Variants in ANXA5 observed in about 807,000 individuals in gnomAD.
ANXA5 encodes CBP-I.
A neutral mutation model predicts 48.1 loss-of-function variants in ANXA5; 40 were observed. That is an observed-to-expected ratio of 0.83 (90% CI 0.65 to 1.08). The LOEUF (loss-of-function observed/expected upper bound fraction) is 1.08. Ranked by LOEUF, ANXA5 falls within the 50% of genes least tolerant of loss-of-function variation. The pLI is 0.00. For missense variants in ANXA5, 357 were observed against 376.8 expected (o/e 0.95, Z 0.44); for synonymous variants, 113 against 129.1 (o/e 0.88, Z 0.85).
At chr4:121,690,085 C>T (rs769181761) in intron 2 of ANXA5, among the ~76,000 whole-genome samples, 1 of 152,198 alleles carries the variant, frequency 6.6e-6, no homozygotes, top group Non-Finnish European at 1.5e-5. Flanking sequence ...AGAGTGGCAG[C>T]TAGTATCTGC....
rs1725095833 is a variant in ANXA5, at chr4:121,696,911, A to G, written c.-84T>C. 3.7e-6 allele frequency: 1 copy of G among 267,366 alleles called. No homozygotes were observed. Among genetic ancestry groups the G allele is most frequent in the Non-Finnish European group, 7.0e-6 (1 of 142,624 alleles). The allele number at this position is 267,366 out of a possible 1,614,324, so 16.6% of individuals were successfully genotyped here. A position where few individuals can be genotyped will look rare whatever the true frequency, so the allele number is the denominator to read the frequency against. ...CCGAAACCCCGGGAGAGCGGCGGAG[A>G]GCCGGGCGACGGTACGCGGGGCGAC... On this transcript the variant is annotated 5_prime_UTR_variant, in exon 1 of 13. Transcript: ENST00000296511.
intron 4 of ANXA5, among the ~76,000 whole-genome samples, chr4:121,684,331 C>T (rs1454453127): frequency 1.4e-4 from 21 of 152,000 alleles, no homozygotes; most frequent in Non-Finnish European, 2.9e-4. Context: ...TGTGTTAAAA[C>T]AAAACATATT....
At chr4:121,696,122 A>T (rs1448214066) in intron 2 of ANXA5, among the ~76,000 whole-genome samples, 2 of 151,036 alleles carry the variant, frequency 1.3e-5, no homozygotes, top group Non-Finnish European at 2.9e-5. Flanking sequence ...GCCAATGCTC[A>T]ATCACAGTAT....
chr4:121,673,637 T>C, intron 8 of ANXA5, among the ~76,000 whole-genome samples: 1 of 152,180 alleles, frequency 6.6e-6, no homozygotes, highest in Non-Finnish European at 1.5e-5. Flanking sequence ...ATGAGACTCA[T>C]GTATCTTTAT....
At chr4:121,687,469 A>C (rs998446491) in intron 2 of ANXA5, among the ~76,000 whole-genome samples, 5 of 152,186 alleles carry the variant, frequency 3.3e-5, no homozygotes, top group African/African-American at 1.2e-4. Context: ...GGTACCATCT[A>C]AACTGAGAAA....
intron 8 of ANXA5, 83 bp from the exon 9 acceptor site, chr4:121,672,709 G>T: frequency 1.1e-6 from 1 of 920,778 alleles, no homozygotes; most frequent in Non-Finnish European, 1.8e-6. Context: ...TTTACTCCCT[G>T]AATTTTAACT....
At chr4:121,674,365 A>G (rs903944472) in intron 8 of ANXA5, among the ~76,000 whole-genome samples, 1 of 151,924 alleles carries the variant, frequency 6.6e-6, no homozygotes, top group Non-Finnish European at 1.5e-5. Flanking sequence ...AGAGAAAGGA[A>G]AGAAAAGAAA....
At chr4:121,675,020 G>T (rs537857715) in intron 8 of ANXA5, among the ~76,000 whole-genome samples, 1 of 152,314 alleles carries the variant, frequency 6.6e-6, no homozygotes, top group Non-Finnish European at 1.5e-5. Flanking sequence ...GCACTGAACA[G>T]TGTCAGGTAA....
At chr4:121,683,283 T>A in intron 5 of ANXA5, 81 bp downstream of exon 5, 1 of 819,178 alleles carries the variant, frequency 1.2e-6, no homozygotes, top group Admixed American at 3.2e-5. Context: ...ATTTTTTAAA[T>A]ATAACAAATA....
intron 4 of ANXA5, among the ~76,000 whole-genome samples, chr4:121,683,895 G>A (rs952698795): frequency 6.6e-6 from 1 of 151,590 alleles, no homozygotes; most frequent in African/African-American, 2.4e-5. Flanking sequence ...CTCTCAATAT[G>A]TAATAACATT....
intron 2 of ANXA5, among the ~76,000 whole-genome samples, chr4:121,690,954 C>T (rs1297732006): frequency 2.6e-5 from 4 of 152,208 alleles, no homozygotes; most frequent in African/African-American, 9.7e-5. Context: ...CTTGTTTGGA[C>T]ATCCTGTGCA....
chr4:121,673,754 G>A (rs1724649984), intron 8 of ANXA5, among the ~76,000 whole-genome samples: 1 of 152,146 alleles, frequency 6.6e-6, no homozygotes, highest in African/African-American at 2.4e-5. Flanking sequence ...TGAAAGTCAT[G>A]CATGCATCTA....
intron 8 of ANXA5, 94 bp from the exon 9 acceptor site, chr4:121,672,720 CACTT>C: frequency 1.2e-6 from 1 of 821,188 alleles, no homozygotes; most frequent in East Asian, 2.5e-5. Context: ...AATTTTAACT[CACTT>C]GATTCATCAT....
intron 12 of ANXA5, among the ~76,000 whole-genome samples, chr4:121,668,790 T>C (rs188599022): frequency 6.6e-6 from 1 of 152,074 alleles, no homozygotes; most frequent in East Asian, 1.9e-4. Flanking sequence ...ATAGTTTCTA[T>C]CACTTGGTAT....
chr4:121,679,309 C>T (rs1724751590), intron 6 of ANXA5, among the ~76,000 whole-genome samples: 1 of 152,112 alleles, frequency 6.6e-6, no homozygotes, highest in African/African-American at 2.4e-5. Flanking sequence ...CCATTAAATC[C>T]TATCACGTTT....
At chr4:121,685,375 C>T (rs1724867924) in intron 3 of ANXA5, among the ~76,000 whole-genome samples, 1 of 151,972 alleles carries the variant, frequency 6.6e-6, no homozygotes, top group Non-Finnish European at 1.5e-5. Context: ...GGAAGGGAAT[C>T]TTGGAGAATG....
At position 121,681,680 on chromosome 4, in the gene ANXA5, A is replaced by G. The variant is rs1230441957; in HGVS notation, c.385T>C (p.Tyr129His). 5.6e-6 allele frequency: 9 copies of G among 1,609,152 alleles called. No homozygotes were observed. The highest frequency in any genetic ancestry group is 7.7e-6 in the Non-Finnish European group (9 of 1,176,404). ...PEELRAIKQV[Y>H]EEEYGSSLED... ...ACTCACAAACATTTACCTTCTTCAT[A>G]AACTTGTTTGATGGCTCTCAGTTCT... Residue 129 changes from tyrosine (Y) to histidine (H), a missense_variant, in exon 6 of 13, where the codon TAT (tyrosine) becomes CAT (histidine). Coordinates refer to ENST00000296511, the MANE Select transcript of ANXA5 (RefSeq NM_001154.4).
chr4:121,673,297 AT>A (rs1724642245), intron 8 of ANXA5, among the ~76,000 whole-genome samples: 1 of 152,254 alleles, frequency 6.6e-6, no homozygotes, highest in Non-Finnish European at 1.5e-5. Flanking sequence ...GCCTAAAAAA[AT>A]AAGCTTATAT....
At position 121,668,532 on chromosome 4, in the gene ANXA5, A is replaced by C. The variant is rs1457989973; in HGVS notation, c.904-5T>G. ...ATAGTCCCCAGATGTATCTCCCTGA[A>C]ACCAAATGTATTCCATTAACCTCCA... is the stretch of plus-strand genomic sequence containing the variant. On this transcript the variant is annotated splice_polypyrimidine_tract_variant and splice_region_variant and intron_variant, in intron 12 of 12. Coordinates refer to ENST00000296511, the MANE Select transcript of ANXA5 (RefSeq NM_001154.4). 6.2e-7 allele frequency: 1 copy of C among 1,612,932 alleles called. No homozygotes were observed. The highest frequency in any genetic ancestry group is 1.7e-4 in the Middle Eastern group (1 of 6,054).
Sources: gnomAD v4.1 joint callset for allele counts (sites outside exome capture counted in the v4.1 genomes callset) on GRCh38, gnomAD v4.1.1 for gene constraint, MANE v1.5 for transcripts, NCBI Gene and HGNC (gene_info 2026-07-23, HGNC 2026-07-21) for gene names.